Variants in NKAIN2 observed in about 807,000 individuals in gnomAD.
NKAIN2 encodes the protein sodium/potassium transporting ATPase interacting 2, also known as sodium/potassium-transporting ATPase subunit beta-1-interacting protein 2.
In NKAIN2, 14 loss-of-function variants were observed where a neutral mutation model predicts 32.6. The observed-to-expected ratio is 0.43, with a 90% CI of 0.28 to 0.67. The LOEUF (loss-of-function observed/expected upper bound fraction) is 0.67, where lower values mean the gene tolerates loss of function less well. Ranked by LOEUF, NKAIN2 falls within the 30% of genes least tolerant of loss-of-function variation. The pLI is 0.17. For synonymous variants in NKAIN2, 80 were observed against 87.2 expected (o/e 0.92, Z 0.46); for missense variants, 198 against 258.3 (o/e 0.77, Z 1.60).
At chr6:124,289,514 C>G (rs1795705022) in intron 2 of NKAIN2, among the ~76,000 whole-genome samples, 1 of 152,168 alleles carries the variant, frequency 6.6e-6, no homozygotes, top group Non-Finnish European at 1.5e-5. Context: ...GATTACGACA[C>G]AGCAACTTGA....
intron 4 of NKAIN2, among the ~76,000 whole-genome samples, chr6:124,712,703 C>G (rs550037322): frequency 1.3e-5 from 2 of 151,512 alleles, no homozygotes; most frequent in South Asian, 2.1e-4. Context: ...ACCCACTGAC[C>G]GGCACTCCCT....
At chr6:124,430,263 A>C (rs1775158946) in intron 3 of NKAIN2, among the ~76,000 whole-genome samples, 1 of 152,252 alleles carries the variant, frequency 6.6e-6, no homozygotes. Context: ...GTTTCTCTAG[A>C]AATATGTGGT....
At chr6:124,436,636 A>ACCT (rs1328077524) in intron 3 of NKAIN2, among the ~76,000 whole-genome samples, 5 of 152,030 alleles carry the variant, frequency 3.3e-5, no homozygotes, top group Non-Finnish European at 7.4e-5. Context: ...CCTAGAGCAA[A>ACCT]TCCCCTTGCC....
intron 3 of NKAIN2, among the ~76,000 whole-genome samples, chr6:124,460,755 G>A (rs72971728): frequency 0.13 from 19,256 of 151,548 alleles, 1,561 homozygotes; most frequent in Admixed American, 0.2. Context: ...GAAGACTTAT[G>A]TCTTTCTTCA....
rs1384778701 is a variant in NKAIN2, at chr6:124,808,670, A to AT, written c.536-9716dup. The stretch of plus-strand genomic sequence containing the variant: ...AGGAGAAGGAAATAAAGGGTATTCA[A>AT]TAGGAAAAGAGGAAGTCAAATTGTC... On this transcript the variant is annotated intron_variant, in intron 5 of 6. Transcript: ENST00000368417. 5.3e-5 allele frequency among the ~76,000 whole-genome samples: 8 copies of AT among 152,090 alleles called. No homozygotes were observed. In the South Asian group the frequency reaches 1.5e-3, roughly 28 times the overall value.
intron 4 of NKAIN2, among the ~76,000 whole-genome samples, chr6:124,710,090 C>T (rs932589262): frequency 2.0e-5 from 3 of 151,194 alleles, no homozygotes; most frequent in Non-Finnish European, 4.4e-5. Context: ...TGTTATGTAC[C>T]CAGTAGTCAT....
At position 124,791,494 on chromosome 6, in the gene NKAIN2, C is replaced by G. The variant is rs143751263; in HGVS notation, c.535+95C>G. ...TTCCTATTCCTCAGACAAGATCCTA[C>G]AACACAGCATTAGAATGGAAAATAA... On this transcript the variant is annotated intron_variant, in intron 5 of 6. Coordinates refer to ENST00000368417, the MANE Select transcript of NKAIN2 (RefSeq NM_001040214.3). 4.0e-6 allele frequency: 3 copies of G among 744,546 alleles called. No individual in the cohort carries two copies. In the African/African-American group the frequency reaches 5.1e-5, roughly 13 times the overall value. The allele number at this position is 744,546 out of a possible 1,614,324, so 46.1% of individuals were successfully genotyped here.
intron 3 of NKAIN2, among the ~76,000 whole-genome samples, chr6:124,541,343 A>G (rs1779903711): frequency 6.6e-6 from 1 of 152,164 alleles, no homozygotes. Context: ...ATGAGCAGCT[A>G]ACTTCTCTAA....
Position 124,448,068 on chromosome 6 carries a change from T to C in NKAIN2, c.273+92721T>C, listed in dbSNP as rs114462886. 8.1e-3 allele frequency among the ~76,000 whole-genome samples: 1,233 copies of C among 152,252 alleles called. 18 individuals are homozygous for C. The highest frequency in any genetic ancestry group is 0.029 in the African/African-American group (1,189 of 41,572). On this transcript the variant is annotated intron_variant, in intron 3 of 6. Transcript: ENST00000368417. ...CATACATTGGACTTAACATAACATG[T>C]GGTCTGAGTTCAGGCTCTGCTGTTT... is the stretch of plus-strand genomic sequence containing the variant.
intron 1 of NKAIN2, among the ~76,000 whole-genome samples, chr6:124,140,859 C>T (rs928167718): frequency 1.3e-5 from 2 of 152,132 alleles, no homozygotes; most frequent in Non-Finnish European, 2.9e-5. Context: ...CCTTCTAACT[C>T]GACCCCAATC....
chr6:124,507,855 A>G (rs1193663193), intron 3 of NKAIN2, among the ~76,000 whole-genome samples: 1 of 152,188 alleles, frequency 6.6e-6, no homozygotes, highest in African/African-American at 2.4e-5. Context: ...AAGAAATAGA[A>G]TTCAAGGGCT....
intron 1 of NKAIN2, among the ~76,000 whole-genome samples, chr6:124,182,106 A>G (rs1789474337): frequency 6.6e-6 from 1 of 152,190 alleles, no homozygotes; most frequent in African/African-American, 2.4e-5. Context: ...GAGCAAAGGC[A>G]TGTCTTACTT....
At chr6:124,603,239 C>T (rs534618725) in intron 3 of NKAIN2, among the ~76,000 whole-genome samples, 13 of 151,932 alleles carry the variant, frequency 8.6e-5, no homozygotes, top group Admixed American at 7.9e-4. Flanking sequence ...TTCCCTGTTC[C>T]CTGCTACTGA....
intron 3 of NKAIN2, among the ~76,000 whole-genome samples, chr6:124,457,536 G>A (rs1308957480): frequency 6.6e-6 from 1 of 151,748 alleles, no homozygotes; most frequent in Non-Finnish European, 1.5e-5. Flanking sequence ...TAATATCTTA[G>A]GGACTATATT....
At chr6:124,545,425 A>G (rs1182090441) in intron 3 of NKAIN2, among the ~76,000 whole-genome samples, 1 of 152,168 alleles carries the variant, frequency 6.6e-6, no homozygotes, top group Non-Finnish European at 1.5e-5. Context: ...TTGGCAAGGT[A>G]GCATCAAAAA....
chr6:124,005,973 C>T (rs1268972106), intron 1 of NKAIN2, among the ~76,000 whole-genome samples: 3 of 152,152 alleles, frequency 2.0e-5, no homozygotes, highest in Non-Finnish European at 2.9e-5. Flanking sequence ...TCTAACTAGT[C>T]CTCTGTCTCT....
chr6:124,517,999 A>C (rs1194995104), intron 3 of NKAIN2, among the ~76,000 whole-genome samples: 1 of 152,248 alleles, frequency 6.6e-6, no homozygotes, highest in Non-Finnish European at 1.5e-5. Flanking sequence ...TGAAATAAAT[A>C]TACTCAAAAT....
At chr6:124,777,212 A>G (rs1054937067) in intron 4 of NKAIN2, among the ~76,000 whole-genome samples, 71 of 152,296 alleles carry the variant, frequency 4.7e-4, no homozygotes, top group African/African-American at 1.7e-3. Flanking sequence ...AATCAGCTGC[A>G]TATAAAGGAA....
At chr6:124,693,239 A>G (rs778536331) in intron 4 of NKAIN2, among the ~76,000 whole-genome samples, 1 of 152,210 alleles carries the variant, frequency 6.6e-6, no homozygotes, top group Non-Finnish European at 1.5e-5. Context: ...TTCTAGGTTT[A>G]GACATGTTTA....
Sources: gnomAD v4.1 joint callset for allele counts (sites outside exome capture counted in the v4.1 genomes callset) on GRCh38, gnomAD v4.1.1 for gene constraint, MANE v1.5 for transcripts, NCBI Gene and HGNC (gene_info 2026-07-23, HGNC 2026-07-21) for gene names.